ANKRD12: variants seen among roughly 807,000 people sequenced by gnomAD.
ANKRD12 encodes the protein ankyrin repeat domain-containing protein 12.
Under a neutral mutation model 183.4 loss-of-function variants are expected in ANKRD12, and 85 were observed. The observed-to-expected ratio is 0.46, with a 90% confidence interval of 0.39 to 0.56. The LOEUF (loss-of-function observed/expected upper bound fraction) is 0.56. Among genes scored for constraint, ANKRD12 ranks in the 20% least tolerant of loss-of-function variants. The pLI is 0.00. For synonymous variants in ANKRD12, 914 were observed against 800.2 expected, an observed-to-expected ratio of 1.14 and a Z score of -2.40; for missense variants, 2,405 against 2,357.1, an observed-to-expected ratio of 1.02 and a Z score of -0.42.
rs552840422 is a variant in ANKRD12, at chr18:9,258,562, A to G, written c.5295A>G (p.Ser1765=). The G allele has an allele frequency of 2.5e-6, 4 of 1,613,854 alleles. No homozygotes were observed. The African/African-American group carries it at 4.0e-5, about 16-fold the overall frequency. The change falls in exon 9 of 13, where the codon TCA becomes TCG. Residue 1765 remains serine, a synonymous_variant. Coordinates refer to ENST00000262126, the MANE Select transcript of ANKRD12 (RefSeq NM_015208.5). ...TATCAGAAAAAGACAGTGAATCCTC[A>G]TCTCCTAGAGGAAGAATAAGATTAA... ...TLLSEKDSES[S]SPRGRIRLTE...
In ANKRD12 at chr18:9,208,722, A is replaced by G. The variant is rs753281159; in HGVS notation, c.370A>G (p.Ser124Gly). Residue 124 changes from serine to glycine, a missense_variant, in exon 5 of 13, where the codon AGC (serine) becomes GGC (glycine). By Grantham distance (56) the Ser-to-Gly change is moderately conservative (BLOSUM62 0). Coordinates refer to ENST00000262126, the MANE Select transcript of ANKRD12 (RefSeq NM_015208.5). ...TGGAAATAAGAAATCCACACCAGTT[A>G]GCATTCTTTTTGGTTATCCACTCTC... Reference protein sequence around the residue: ...EAGNKKSTPVSILFGYPLSER... With the variant: ...EAGNKKSTPVGILFGYPLSER... 6.8e-6 allele frequency: 11 copies of G among 1,611,214 alleles called. No homozygotes were observed. In the Admixed American group the frequency reaches 1.8e-4, roughly 27 times the overall value.
chr18:9,206,655 A>G (rs1376899982), intron 4 of ANKRD12, among the ~76,000 whole-genome samples: 1 of 152,128 alleles, frequency 6.6e-6, no homozygotes, highest in African/African-American at 2.4e-5. Flanking sequence ...ATTGGATGCT[A>G]GCATCTGATT....
chr18:9,239,184 T>C (rs536111950), intron 8 of ANKRD12, among the ~76,000 whole-genome samples: 49 of 152,344 alleles, frequency 3.2e-4, no homozygotes, highest in African/African-American at 1.1e-3. Flanking sequence ...TTAACTGTTA[T>C]GCTATTCTAA....
At chr18:9,158,979 C>T (rs796717941) in intron 1 of ANKRD12, among the ~76,000 whole-genome samples, 25 of 152,236 alleles carry the variant, frequency 1.6e-4, no homozygotes, top group African/African-American at 6.0e-4. Context: ...TCTGTTGGGA[C>T]CCCTTTCACT....
intron 1 of ANKRD12, among the ~76,000 whole-genome samples, chr18:9,165,093 C>CA (rs2031888052): frequency 6.6e-6 from 1 of 152,146 alleles, no homozygotes; most frequent in South Asian, 2.1e-4. Context: ...GTATTGGTTG[C>CA]ATATGTACTT....
rs768063081 is a variant in ANKRD12, at chr18:9,255,446, G to A, written c.2179G>A (p.Glu727Lys). 6.4e-7 allele frequency: 1 copy of A among 1,567,828 alleles called. No individual in the cohort carries two copies. The highest frequency in any genetic ancestry group is 8.6e-7 in the Non-Finnish European group (1 of 1,165,614). ...SLTLEKKSKL[E>K]KNIKDDKSTK... is the part of the protein sequence containing the mutation. The stretch of plus-strand genomic sequence containing the variant: ...AACATTAGAAAAAAAATCAAAATTG[G>A]AAAAAAACATCAAAGATGATAAATC... Residue 727 changes from glutamate (E) to lysine (K), a missense_variant, in exon 9 of 13, where the codon GAA (glutamate) becomes AAA (lysine). Glu to Lys is a moderately conservative substitution (Grantham distance 56, BLOSUM62 1). Around this residue, in one of 7 missense-constraint regions of ANKRD12, gnomAD observed 1,983 missense variants for 1,725.9 expected, o/e 1.15. Transcript: ENST00000262126.
intron 1 of ANKRD12, among the ~76,000 whole-genome samples, chr18:9,148,467 A>G (rs1212392339): frequency 6.6e-6 from 1 of 152,342 alleles, no homozygotes; most frequent in Non-Finnish European, 1.5e-5. Flanking sequence ...TGTCAAAAAC[A>G]TCTCTTTAAA....
intron 1 of ANKRD12, among the ~76,000 whole-genome samples, chr18:9,164,273 A>G (rs1394937878): frequency 1.3e-5 from 2 of 152,188 alleles, no homozygotes; most frequent in African/African-American, 4.8e-5. Context: ...ATCTGTTGAG[A>G]TAATCATGTG....
intron 10 of ANKRD12, among the ~76,000 whole-genome samples, chr18:9,268,968 T>G (rs907298508): frequency 6.6e-6 from 1 of 152,186 alleles, no homozygotes; most frequent in Admixed American, 6.5e-5. Context: ...AGCATTCTTA[T>G]ACACCAATAA....
chr18:9,234,338 G>A (rs904538619), intron 8 of ANKRD12, among the ~76,000 whole-genome samples: 7 of 152,158 alleles, frequency 4.6e-5, no homozygotes, highest in Non-Finnish European at 7.3e-5. Context: ...CACCAGTGGC[G>A]GGGCGACGGG....
intron 1 of ANKRD12, among the ~76,000 whole-genome samples, chr18:9,143,141 C>T (rs547744834): frequency 1.3e-5 from 2 of 152,246 alleles, no homozygotes; most frequent in South Asian, 4.1e-4. Context: ...CTTCTGTACG[C>T]TAGATACTAT....
chr18:9,144,352 C>A lies in ANKRD12; in HGVS notation c.-52+7387C>A, dbSNP rs138305078. On this transcript the variant is annotated intron_variant, in intron 1 of 12. Coordinates refer to ENST00000262126, the MANE Select transcript of ANKRD12 (RefSeq NM_015208.5). ...ATGTTACAAATATTATTTTATAGCA[C>A]CATTGTCCCTTCAAAAACCCCAGAA... Among the ~76,000 whole-genome samples, 35 of 152,170 alleles carry A rather than the reference C, an allele frequency of 2.3e-4. No individual in the cohort carries two copies. In the East Asian group the frequency reaches 6.6e-3, roughly 29 times the overall value.
intron 8 of ANKRD12, among the ~76,000 whole-genome samples, chr18:9,226,433 G>GA (rs34334105): frequency 0.7 from 104,992 of 150,960 alleles, 36,736 homozygotes; most frequent in South Asian, 0.8. Context: ...CTCAAAAAAA[G>GA]AAAAAAAAAT....
chr18:9,157,456 T>G (rs2030661910), intron 1 of ANKRD12, among the ~76,000 whole-genome samples: 1 of 151,564 alleles, frequency 6.6e-6, no homozygotes, highest in Non-Finnish European at 1.5e-5. Context: ...TTTGCACCAT[T>G]TATAAAGTCC....
intron 1 of ANKRD12, among the ~76,000 whole-genome samples, chr18:9,137,376 G>A (rs2078145226): frequency 6.8e-6 from 1 of 146,482 alleles, no homozygotes; most frequent in Non-Finnish European, 1.5e-5. Context: ...TGGCGGGGCT[G>A]GGCTGCCGCC....
At chr18:9,215,042 A>G (rs2036017499) in intron 6 of ANKRD12, among the ~76,000 whole-genome samples, 1 of 152,292 alleles carries the variant, frequency 6.6e-6, no homozygotes, top group Middle Eastern at 3.4e-3. Flanking sequence ...AAAAAATGTC[A>G]AGATAACAGG....
At chr18:9,243,226 A>T (rs1255279651) in intron 8 of ANKRD12, among the ~76,000 whole-genome samples, 2 of 152,198 alleles carry the variant, frequency 1.3e-5, no homozygotes, top group Admixed American at 6.5e-5. Flanking sequence ...GGAGCCACTC[A>T]ATAGGAGACA....
rs1375899357 is a variant in ANKRD12, at chr18:9,254,796, A to T, written c.1529A>T (p.Asp510Val). 6.7e-7 allele frequency: 1 copy of T among 1,488,636 alleles called. No homozygotes were observed. Among genetic ancestry groups the T allele is most frequent in the East Asian group, 2.4e-5 (1 of 42,446 alleles). The allele number at this position is 1,488,636 out of a possible 1,614,324, so 92.2% of individuals were successfully genotyped here. A position where few individuals can be genotyped will look rare whatever the true frequency, so the allele number is the denominator to read the frequency against. ...AACTTGACAGTAAATACTGGACTAG[A>T]TTGTTCAGAAAAGACCAGAGAGGAG... ...ITNLTVNTGL[D>V]CSEKTREEGN... Residue 510 changes from aspartate to valine, a missense_variant, in exon 9 of 13, where the codon GAT (aspartate) becomes GTT (valine). This residue lies in a region of ANKRD12 where 1,983 missense variants were observed against 1,725.9 expected (regional missense o/e 1.15). Coordinates refer to ENST00000262126, the MANE Select transcript of ANKRD12 (RefSeq NM_015208.5).
At chr18:9,214,549 A>G (rs768291551) in intron 6 of ANKRD12, among the ~76,000 whole-genome samples, 2 of 152,038 alleles carry the variant, frequency 1.3e-5, no homozygotes, top group Non-Finnish European at 2.9e-5. Flanking sequence ...ATTCTTGCAT[A>G]TTTTTCATCG....
Sources: gnomAD v4.1 joint callset for allele counts (sites outside exome capture counted in the v4.1 genomes callset) on GRCh38, gnomAD v4.1.1 for gene constraint, gnomAD v4.1.1 regional missense constraint, MANE v1.5 for transcripts, NCBI Gene and HGNC (gene_info 2026-07-23, HGNC 2026-07-21) for gene names.